SMG7: variants seen among roughly 807,000 people sequenced by gnomAD.
SMG7 encodes SMG7 nonsense mediated mRNA decay factor, also known as nonsense-mediated mRNA decay factor SMG7.
A neutral mutation model predicts 148.2 loss-of-function variants in SMG7; 34 were observed. The observed-to-expected ratio is 0.23, with a 90% CI of 0.17 to 0.31. SMG7 has a LOEUF of 0.31. Among genes scored for constraint, SMG7 ranks in the 10% least tolerant of loss-of-function variants. SMG7 has a pLI of 1.00. For missense variants in SMG7, 1,114 were observed against 1,408.4 expected (o/e 0.79, Z 3.35); for synonymous variants, 492 against 515.1 (o/e 0.96, Z 0.61).
chr1:183,524,039 A>G (rs1370080775), intron 4 of SMG7, among the ~76,000 whole-genome samples: 1 of 151,144 alleles, frequency 6.6e-6, no homozygotes, highest in Non-Finnish European at 1.5e-5. Context: ...CGTTCAGGAC[A>G]TTAACTTATT....
At chr1:183,494,756 CTTTTTTTTTTT>C (rs141159130) in intron 1 of SMG7, among the ~76,000 whole-genome samples, 36 of 15,276 alleles carry the variant, frequency 2.4e-3, no homozygotes, top group African/African-American at 6.5e-3. Context: ...AGCCCTTGTT[CTTTTTTTTTTT>C]TTTTTTTTTT....
intron 1 of SMG7, among the ~76,000 whole-genome samples, chr1:183,499,203 T>C (rs1659225139): frequency 6.6e-6 from 1 of 152,212 alleles, no homozygotes; most frequent in African/African-American, 2.4e-5. Context: ...TTTCAGTGAT[T>C]ATAAATAAAG....
chr1:183,538,646 C>G (rs750652350), intron 12 of SMG7, among the ~76,000 whole-genome samples: 1 of 152,106 alleles, frequency 6.6e-6, no homozygotes, highest in Non-Finnish European at 1.5e-5. Context: ...AAAATGTAAC[C>G]TTTCCATCTG....
intron 15 of SMG7, 26 bp downstream of exon 15, chr1:183,544,523 A>G: frequency 2.5e-6 from 4 of 1,608,016 alleles, no homozygotes; most frequent in Non-Finnish European, 3.4e-6. Context: ...AATTTCTTCT[A>G]CTTAATCTTT....
chr1:183,534,516 T>G (rs542534501), intron 10 of SMG7, among the ~76,000 whole-genome samples: 1 of 152,218 alleles, frequency 6.6e-6, no homozygotes, highest in Non-Finnish European at 1.5e-5. Context: ...TGGCCCAGCA[T>G]GTATATTGAC....
intron 1 of SMG7, among the ~76,000 whole-genome samples, chr1:183,511,781 G>A (rs1027830767): frequency 6.6e-6 from 1 of 152,224 alleles, no homozygotes; most frequent in Non-Finnish European, 1.5e-5. Context: ...CCAAGGGATG[G>A]TTCTTGAATG....
intron 1 of SMG7, among the ~76,000 whole-genome samples, chr1:183,510,276 T>C (rs141137025): frequency 9.2e-5 from 14 of 152,336 alleles, no homozygotes; most frequent in South Asian, 6.2e-4. Flanking sequence ...TATAAATTAG[T>C]ACTCTCCAAT....
chr1:183,531,746 C>T (rs555130392), intron 8 of SMG7, among the ~76,000 whole-genome samples: 2 of 152,216 alleles, frequency 1.3e-5, no homozygotes, highest in Admixed American at 6.5e-5. Context: ...TTAATGCCAG[C>T]GGATTTATAG....
chr1:183,544,931 G>C lies in SMG7; in HGVS notation c.1989G>C (p.Gly663=). ...GAFPPLPSRP[G]FPPPTYVIPP... ...AAGCTGTGTTCTTCTGTTTTGAAGG[G>C]TTTCCGCCCCCAACATATGTTATCC... is the stretch of plus-strand genomic sequence containing the variant. The change falls in exon 16 of 23, where the codon GGG becomes GGC. Residue 663 remains glycine, a splice_region_variant and synonymous_variant. Coordinates refer to ENST00000688051, the MANE Select transcript of SMG7 (RefSeq NM_001375584.1). 3 of 1,611,686 alleles carry C rather than the reference G, an allele frequency of 1.9e-6. No individual in the cohort carries two copies. Among genetic ancestry groups the C allele is most frequent in the Non-Finnish European group, 2.5e-6 (3 of 1,178,276 alleles).
In SMG7 at chr1:183,552,594, G is replaced by A. The variant is rs1572130487; in HGVS notation, c.*663G>A. On this transcript the variant is annotated 3_prime_UTR_variant, in exon 23 of 23. Coordinates refer to ENST00000688051, the MANE Select transcript of SMG7 (RefSeq NM_001375584.1). ...AAGGCCTGTCAGAAGGCTCTGGTAG[G>A]CCTTCCTCTGGCCAGGAGACTCCAG... 1 of 1,021,138 alleles carries A rather than the reference G, an allele frequency of 9.8e-7. No homozygotes were observed. The allele number at this position is 1,021,138 out of a possible 1,614,324, so 63.3% of individuals were successfully genotyped here.
At chr1:183,550,651 G>A (rs756079334) in intron 20 of SMG7, 100 bp from the exon 21 acceptor site, 14 of 1,168,240 alleles carry the variant, frequency 1.2e-5, no homozygotes, top group Non-Finnish European at 1.7e-5. Context: ...TGTGGTTATT[G>A]TTAGTAGAAT....
At chr1:183,541,803 C>A (rs188235173) in intron 13 of SMG7, among the ~76,000 whole-genome samples, 195 of 152,272 alleles carry the variant, frequency 1.3e-3, no homozygotes, top group Non-Finnish European at 2.1e-3. Context: ...GGGCCCTAGA[C>A]CAGTGTCTTG....
intron 2 of SMG7, among the ~76,000 whole-genome samples, chr1:183,515,341 G>T (rs776755902): frequency 6.6e-6 from 1 of 152,192 alleles, no homozygotes; most frequent in Admixed American, 6.5e-5. Context: ...TGAGAGAGGA[G>T]TAACTGCAGA....
Position 183,529,501 on chromosome 1 carries a change from C to G in SMG7, c.811C>G (p.Pro271Ala). The G allele has an allele frequency of 6.2e-7, 1 of 1,612,712 alleles. No homozygotes were observed. The highest frequency in any genetic ancestry group is 1.7e-5 in the Admixed American group (1 of 59,928). The part of the protein sequence containing the change: ...YLSKSLEKLS[P>A]LREKLEEQFK... Reference sequence around the variant, plus strand: ...GAGTAAGAGCTTGGAAAAGTTGAGCCCTCTTCGAGAGAAATTGGAAGAACA... The same window carrying G: ...GAGTAAGAGCTTGGAAAAGTTGAGCGCTCTTCGAGAGAAATTGGAAGAACA... Residue 271 changes from proline (P) to alanine (A), a missense_variant, in exon 8 of 23, where the codon CCT (proline) becomes GCT (alanine). Pro to Ala is a conservative substitution (Grantham distance 27). This residue lies in a region of SMG7 where 216 missense variants were observed against 329.1 expected (regional missense o/e 0.66). Transcript: ENST00000688051.
chr1:183,476,804 A>G (rs1319454538), intron 1 of SMG7, among the ~76,000 whole-genome samples: 4 of 152,186 alleles, frequency 2.6e-5, no homozygotes, highest in Admixed American at 2.6e-4. Context: ...TAGGCCGAAT[A>G]ACATTGGGAA....
chr1:183,530,442 A>G (rs532461007), intron 8 of SMG7, among the ~76,000 whole-genome samples: 161 of 152,180 alleles, frequency 1.1e-3, no homozygotes, highest in Non-Finnish European at 1.5e-3. Context: ...ATAATTATAA[A>G]TAGCAATAGT....
chr1:183,497,759 G>C (rs544819468), intron 1 of SMG7, among the ~76,000 whole-genome samples: 43 of 151,938 alleles, frequency 2.8e-4, no homozygotes, highest in African/African-American at 1.0e-3. Context: ...TAGTAGAGAG[G>C]GAGGTTTCAC....
At position 183,516,003 on chromosome 1, in the gene SMG7, C is replaced by G. The variant is rs765994182; in HGVS notation, c.179+12C>G. The G allele has an allele frequency of 8.7e-6, 13 of 1,492,226 alleles. No homozygotes were observed. Among genetic ancestry groups the G allele is most frequent in the African/African-American group, 8.3e-5 (6 of 72,134 alleles). 92.4% of individuals were successfully genotyped at this position (1,492,226 alleles called of 1,614,324 possible). ...GTAGAACAGGATCTGTAAGTATTAC[C>G]TATCATTTGAGAAGTCCCTGTAAGA... On this transcript the variant is annotated intron_variant, in intron 3 of 22. Transcript: ENST00000688051.
intron 15 of SMG7, 74 bp from the exon 16 acceptor site, chr1:183,544,856 T>A (rs1558058946): frequency 1.5e-6 from 2 of 1,358,560 alleles, no homozygotes; most frequent in East Asian, 2.5e-5. Context: ...ACCTACCTGT[T>A]AAAAAAAAAA....
Sources: gnomAD v4.1 joint callset for allele counts (sites outside exome capture counted in the v4.1 genomes callset) on GRCh38, gnomAD v4.1.1 for gene constraint, gnomAD v4.1.1 regional missense constraint, MANE v1.5 for transcripts, NCBI Gene and HGNC (gene_info 2026-07-23, HGNC 2026-07-21) for gene names.